Variants in IRAG1 observed in about 807,000 individuals in gnomAD.
IRAG1 encodes IP3R-associated cGMP kinase substrate.
Under a neutral mutation model 106.2 loss-of-function variants are expected in IRAG1, and 62 were observed. The observed-to-expected ratio is 0.58, with a 90% confidence interval of 0.48 to 0.72. The LOEUF is 0.72. Among genes scored for constraint, IRAG1 ranks in the 30% least tolerant of loss-of-function variants. The pLI, the probability that IRAG1 is intolerant of heterozygous loss-of-function variation, is 0.00. For missense variants in IRAG1, 1,064 were observed against 1,140.7 expected (o/e 0.93, Z 0.97); for synonymous variants, 462 against 443.9 (o/e 1.04, Z -0.51).
chr11:10,662,358 C>T (rs1343136748), intron 1 of IRAG1, among the ~76,000 whole-genome samples: 2 of 152,150 alleles, frequency 1.3e-5, no homozygotes, highest in African/African-American at 2.4e-5. Context: ...TTCTCTCTCT[C>T]GATGATGTAC....
At chr11:10,601,226 C>A (rs1015424980) in intron 14 of IRAG1, among the ~76,000 whole-genome samples, 167 bp from the exon 15 acceptor site, 1 of 152,234 alleles carries the variant, frequency 6.6e-6, no homozygotes, top group African/African-American at 2.4e-5. Context: ...GAGGTGGACT[C>A]AGCACCTGCG....
Position 10,581,860 on chromosome 11 carries a change from G to T in IRAG1, c.2360+7C>A. 1 of 1,613,452 alleles carries T rather than the reference G, an allele frequency of 6.2e-7. No individual in the cohort carries two copies. Among genetic ancestry groups the T allele is most frequent in the South Asian group, 1.1e-5 (1 of 91,020 alleles). On this transcript the variant is annotated splice_region_variant and intron_variant, in intron 19 of 20. Coordinates refer to ENST00000423302, the MANE Select transcript of IRAG1 (RefSeq NM_130385.4). ...GGTGCCCTTGGGGTGGCTGAGGTCTGACTCACCCCTTGCTGTAGGCTTCTT... is the reference window on the plus strand; with the variant it reads ...GGTGCCCTTGGGGTGGCTGAGGTCTTACTCACCCCTTGCTGTAGGCTTCTT...
intron 1 of IRAG1, among the ~76,000 whole-genome samples, chr11:10,656,490 C>G (rs1858936722): frequency 6.6e-6 from 1 of 152,202 alleles, no homozygotes; most frequent in African/African-American, 2.4e-5. Context: ...ACTGAAGAGG[C>G]TAGAAGTTCC....
chr11:10,671,340 G>A (rs1860205463), intron 1 of IRAG1, among the ~76,000 whole-genome samples: 1 of 152,142 alleles, frequency 6.6e-6, no homozygotes. Context: ...CTATACATTA[G>A]CAATGAACAA....
intron 2 of IRAG1, among the ~76,000 whole-genome samples, chr11:10,637,266 A>G (rs1857213596): frequency 1.3e-5 from 2 of 152,218 alleles, no homozygotes; most frequent in Admixed American, 1.3e-4. Flanking sequence ...GAGCTGGCCA[A>G]GAGGGAGTGA....
At position 10,576,438 on chromosome 11, in the gene IRAG1, C is replaced by T; in HGVS notation, c.2633G>A (p.Cys878Tyr). ...AAGGGGCCCATCAGCCTGCTCTGCACAAGAGTTATAGGAATTGTAGAGCCC... is the reference window on the plus strand; with the variant it reads ...AAGGGGCCCATCAGCCTGCTCTGCATAAGAGTTATAGGAATTGTAGAGCCC... ...VLGLYNSYNS[C>Y]AEQADGPLGR... The change falls in exon 21 of 21, where the codon TGT (cysteine) becomes TAT (tyrosine). Residue 878 changes from cysteine to tyrosine, a missense_variant. Cys to Tyr is a radical substitution (Grantham distance 194, BLOSUM62 -2). Transcript: ENST00000423302. 6.2e-7 allele frequency: 1 copy of T among 1,613,970 alleles called. No homozygotes were observed. Among genetic ancestry groups the T allele is most frequent in the Non-Finnish European group, 8.5e-7 (1 of 1,179,890 alleles).
chr11:10,643,254 C>A (rs1857679605), intron 2 of IRAG1, among the ~76,000 whole-genome samples: 1 of 149,366 alleles, frequency 6.7e-6, no homozygotes, highest in African/African-American at 2.5e-5. Context: ...GTCCTAGGGG[C>A]ACAGGAGAGA....
At chr11:10,594,413 C>T (rs1452495981) in intron 15 of IRAG1, among the ~76,000 whole-genome samples, 1 of 152,096 alleles carries the variant, frequency 6.6e-6, no homozygotes, top group Non-Finnish European at 1.5e-5. Flanking sequence ...TCCTAACTCC[C>T]CTTCTCACTA....
intron 15 of IRAG1, 92 bp from the exon 16 acceptor site, chr11:10,594,287 C>T: frequency 8.0e-7 from 1 of 1,245,680 alleles, no homozygotes; most frequent in Non-Finnish European, 1.1e-6. Flanking sequence ...ATCCATGGGC[C>T]AGAACTGGCC....
rs1858054304 is a variant in IRAG1, at chr11:10,647,463, G to A, written c.225+4562C>T. Among the ~76,000 whole-genome samples the A allele has an allele frequency of 6.6e-6, 1 of 152,208 alleles. No individual in the cohort carries two copies. The highest frequency in any genetic ancestry group is 2.1e-4 in the South Asian group (1 of 4,828). On this transcript the variant is annotated intron_variant, in intron 2 of 20. Coordinates refer to ENST00000423302, the MANE Select transcript of IRAG1 (RefSeq NM_130385.4). This position sits in a 1 kb window ranked among gnomAD's most constrained non-coding sequence, Gnocchi z 4.3. ...TGTGCAGCGGAGGTAGGGGAACAGG[G>A]GAGGTGGTAGCTGGGTGCTGGAATG... is the stretch of plus-strand genomic sequence containing the variant.
At chr11:10,611,570 A>G (rs1854964155) in intron 10 of IRAG1, 1 of 152,238 alleles carries the variant, frequency 6.6e-6, no homozygotes, top group African/African-American at 2.4e-5. Context: ...ATTCAACCAA[A>G]TTAACAACAA....
At chr11:10,627,469 C>T (rs564439011) in intron 8 of IRAG1, among the ~76,000 whole-genome samples, 1 of 152,320 alleles carries the variant, frequency 6.6e-6, no homozygotes, top group Non-Finnish European at 1.5e-5. Flanking sequence ...AGCAGCCTGA[C>T]TGGGGGTCAG....
chr11:10,681,716 G>A (rs1043530705), intron 1 of IRAG1, among the ~76,000 whole-genome samples: 6 of 152,252 alleles, frequency 3.9e-5, no homozygotes, highest in Admixed American at 6.5e-5. Flanking sequence ...CTGCTTATAC[G>A]GTCTCTTCAT....
intron 11 of IRAG1, among the ~76,000 whole-genome samples, chr11:10,608,731 T>C (rs1380556657): frequency 2.0e-5 from 3 of 152,246 alleles, no homozygotes; most frequent in South Asian, 2.1e-4. Context: ...TTATATGCTC[T>C]AGAAACAAGT....
intron 1 of IRAG1, among the ~76,000 whole-genome samples, chr11:10,689,775 C>T (rs1861921097): frequency 6.6e-6 from 1 of 152,082 alleles, no homozygotes; most frequent in African/African-American, 2.4e-5. Context: ...TAAAAAATAG[C>T]ATATACACTA....
intron 18 of IRAG1, among the ~76,000 whole-genome samples, chr11:10,588,400 A>G (rs1852266121): frequency 6.6e-6 from 1 of 151,992 alleles, no homozygotes; most frequent in African/African-American, 2.4e-5. Context: ...TCCAGGCTGC[A>G]GTGCAGTGGT....
intron 15 of IRAG1, among the ~76,000 whole-genome samples, chr11:10,597,079 C>T (rs560407534): frequency 6.1e-4 from 93 of 152,320 alleles, no homozygotes; most frequent in Admixed American, 1.0e-3. Flanking sequence ...TGTCCTTCTA[C>T]TCATATTTCA....
At chr11:10,622,231 C>T (rs1855886410) in intron 10 of IRAG1, among the ~76,000 whole-genome samples, 1 of 152,152 alleles carries the variant, frequency 6.6e-6, no homozygotes, top group South Asian at 2.1e-4. Flanking sequence ...GACTAACCCA[C>T]TGCTTTAAGG....
At chr11:10,599,635 C>CT (rs1167698919) in intron 15 of IRAG1, 1 of 152,214 alleles carries the variant, frequency 6.6e-6, no homozygotes, top group African/African-American at 2.4e-5. Context: ...ATCTGTTATA[C>CT]TTTCTGTACT....
Sources: allele counts gnomAD v4.1 joint callset (sites outside exome capture counted in the v4.1 genomes callset), GRCh38; gene constraint gnomAD v4.1.1; non-coding constraint Gnocchi (gnomAD v3.1); transcripts MANE v1.5; gene names NCBI Gene and HGNC (gene_info 2026-07-23, HGNC 2026-07-21).